The following MAF variants were observed in gnomAD, a reference collection of about 807,000 sequenced individuals.
MAF encodes the protein transcription factor Maf.
A neutral mutation model predicts 22.0 loss-of-function variants in MAF; 10 were observed. That is an observed-to-expected ratio of 0.45 (90% CI 0.28 to 0.77). The LOEUF (loss-of-function observed/expected upper bound fraction) is 0.77, where lower values mean the gene tolerates loss of function less well. Among genes scored for constraint, MAF ranks in the 30% least tolerant of loss-of-function variants. The pLI, the probability that MAF is intolerant of heterozygous loss-of-function variation, is 0.12. For missense variants in MAF, 544 were observed against 548.4 expected, an observed-to-expected ratio of 0.99 and a Z score of 0.08; for synonymous variants, 337 against 255.8, an observed-to-expected ratio of 1.32 and a Z score of -3.03.
At chr16:79,290,514 C>G in the MAF span, among the ~76,000 whole-genome samples, 1 of 152,118 alleles carries the variant, frequency 6.6e-6, no homozygotes, top group African/African-American at 2.4e-5. Flanking sequence ...GAGTTTTAAT[C>G]CAGGGACAGC....
the MAF span, among the ~76,000 whole-genome samples, chr16:79,513,373 G>C: frequency 6.6e-6 from 1 of 152,242 alleles, no homozygotes; most frequent in African/African-American, 2.4e-5. Flanking sequence ...TCCCCAACTG[G>C]AGCATGAGAA....
the MAF span, chr16:79,213,015 A>C: frequency 3.6e-5 from 4 of 112,184 alleles, no homozygotes; most frequent in Non-Finnish European, 8.2e-5. Flanking sequence ...CTCCCCTGCA[A>C]TTAGCAAGTA....
the MAF span, among the ~76,000 whole-genome samples, chr16:79,434,553 G>A: frequency 1.3e-5 from 2 of 151,744 alleles, no homozygotes; most frequent in African/African-American, 4.8e-5. Flanking sequence ...AAATTTATAT[G>A]GGATGTTTTA....
At chr16:79,581,244 A>C (rs759062706), downstream of MAF, among the ~76,000 whole-genome samples, 1 of 152,130 alleles carries the variant, frequency 6.6e-6, no homozygotes, top group Non-Finnish European at 1.5e-5. Context: ...CCAGTAAGAG[A>C]CCCTCATGTT....
the MAF span, among the ~76,000 whole-genome samples, chr16:79,429,809 C>G: frequency 2.0e-5 from 3 of 152,200 alleles, no homozygotes; most frequent in Non-Finnish European, 4.4e-5. Context: ...CTGCACTTGC[C>G]TGGTGCTGTG....
the MAF span, among the ~76,000 whole-genome samples, chr16:79,272,390 C>G: frequency 6.6e-6 from 1 of 152,208 alleles, no homozygotes; most frequent in African/African-American, 2.4e-5. Flanking sequence ...CAGGCTGGGG[C>G]GGGTCGCCTG....
At chr16:79,463,696 T>G in the MAF span, among the ~76,000 whole-genome samples, 2 of 152,194 alleles carry the variant, frequency 1.3e-5, no homozygotes, top group African/African-American at 4.8e-5. Context: ...ATTGGACGTG[T>G]AAATAGGTAA....
chr16:79,454,833 AT>A, the MAF span, among the ~76,000 whole-genome samples: 1 of 152,132 alleles, frequency 6.6e-6, no homozygotes, highest in Non-Finnish European at 1.5e-5. Flanking sequence ...ACCACTCCTC[AT>A]GCCTGTAATC....
the MAF span, among the ~76,000 whole-genome samples, chr16:79,565,508 G>T: frequency 2.0e-3 from 243 of 122,518 alleles, no homozygotes; most frequent in Admixed American, 3.6e-3. Flanking sequence ...ACGTGTTGTG[G>T]GGGGGGGGAC....
At chr16:79,226,272 C>T in the MAF span, among the ~76,000 whole-genome samples, 1 of 152,130 alleles carries the variant, frequency 6.6e-6, no homozygotes, top group African/African-American at 2.4e-5. Flanking sequence ...AGCAAACCAA[C>T]ACAAGAACAG....
the MAF span, among the ~76,000 whole-genome samples, chr16:79,532,060 T>A: frequency 6.6e-6 from 1 of 152,194 alleles, no homozygotes. Flanking sequence ...ATTGTTAGCA[T>A]GAGTAGGTTC....
the MAF span, among the ~76,000 whole-genome samples, chr16:79,254,462 T>C: frequency 6.6e-6 from 1 of 152,346 alleles, no homozygotes; most frequent in South Asian, 2.1e-4. Flanking sequence ...CCATTATCAA[T>C]AATACTCCAA....
chr16:79,557,774 C>T, the MAF span, among the ~76,000 whole-genome samples: 1 of 152,006 alleles, frequency 6.6e-6, no homozygotes, highest in East Asian at 1.9e-4. Flanking sequence ...CTACTGTATG[C>T]TGAGTGCTCT....
rs765168573 is a variant in MAF at position 79,599,063 on chromosome 16, C to G, written c.840G>C (p.Gly280=). 1.9e-6 allele frequency: 3 copies of G among 1,611,832 alleles called. No homozygotes were observed. The highest frequency in any genetic ancestry group is 3.3e-5 in the Admixed American group (2 of 59,974). Residue 280 remains glycine (G), a synonymous_variant, in exon 1 of 2, where the codon GGG becomes GGC. Transcript: ENST00000326043. ...GCCGGATCACCTCCTCCTTGCTGAC[C>G]CCGCGCAGCTGCCGGTTCAGCTCGC... The part of the protein sequence containing the change: ...SVRELNRQLR[G]VSKEEVIRLK...
chr16:79,587,429 T>C, intron 1 of MAF, among the ~76,000 whole-genome samples: 1 of 90,248 alleles, frequency 1.1e-5, no homozygotes, highest in South Asian at 3.9e-4. Flanking sequence ...ATAGGATTAC[T>C]TTTTTTTTAA....
chr16:79,477,149 G>A, the MAF span, among the ~76,000 whole-genome samples: 3,143 of 152,244 alleles, frequency 0.021, 47 homozygotes, highest in Non-Finnish European at 0.031. Context: ...ATACAATTAC[G>A]TTAATTTGAA....
At chr16:79,452,533 A>C in the MAF span, among the ~76,000 whole-genome samples, 1 of 152,204 alleles carries the variant, frequency 6.6e-6, no homozygotes, top group Admixed American at 6.5e-5. Flanking sequence ...CAAACACTCT[A>C]TAAGATGACT....
At chr16:79,487,870 G>A in the MAF span, among the ~76,000 whole-genome samples, 160 of 152,318 alleles carry the variant, frequency 1.1e-3, no homozygotes, top group Middle Eastern at 3.4e-3. Flanking sequence ...TCATCTCTGC[G>A]TATGGATGAA....
chr16:79,491,518 T>C, the MAF span, among the ~76,000 whole-genome samples: 1 of 151,994 alleles, frequency 6.6e-6, no homozygotes, highest in Non-Finnish European at 1.5e-5. Context: ...CATTTCCCCA[T>C]AGTGAAATCA....
Sources: gnomAD v4.1 joint callset for allele counts (sites outside exome capture counted in the v4.1 genomes callset) on GRCh38, gnomAD v4.1.1 for gene constraint, MANE v1.5 for transcripts, NCBI Gene and HGNC (gene_info 2026-07-23, HGNC 2026-07-21) for gene names.